The following DENND5B variants were observed in gnomAD, a reference collection of about 807,000 sequenced individuals.
The protein encoded by DENND5B is DENN domain-containing protein 5B.
DENND5B carries 34 observed loss-of-function variants against 140.6 expected under a neutral mutation model. The ratio of observed to expected loss-of-function variants is 0.24; its 90% CI spans 0.18 to 0.32. The LOEUF is 0.32. DENND5B is among the 10% of genes least tolerant of loss of function. The pLI is 1.00. For missense variants in DENND5B, 1,142 were observed against 1,560.2 expected, an observed-to-expected ratio of 0.73 and a Z score of 4.52; for synonymous variants, 551 against 562.1, an observed-to-expected ratio of 0.98 and a Z score of 0.28.
At chr12:31,457,542 A>G (rs879886845) in intron 4 of DENND5B, among the ~76,000 whole-genome samples, 7 of 152,174 alleles carry the variant, frequency 4.6e-5, no homozygotes, top group Non-Finnish European at 1.0e-4. Context: ...GAGTGCATTT[A>G]AGTCATTTTT....
Position 31,540,633 on chromosome 12 carries a change from G to A in DENND5B, c.128-44714C>T, listed in dbSNP as rs187338333. On this transcript the variant is annotated intron_variant, in intron 1 of 20. Coordinates refer to ENST00000389082, the MANE Select transcript of DENND5B (RefSeq NM_144973.4). Reference sequence around the variant, plus strand: ...TGTGCCACTGCACTCCAGCCTGGGCGACACAGTCAGACTCTGTCCCGCCCC... The same window carrying A: ...TGTGCCACTGCACTCCAGCCTGGGCAACACAGTCAGACTCTGTCCCGCCCC... 2.4e-4 allele frequency among the ~76,000 whole-genome samples: 37 copies of A among 151,346 alleles called. No homozygotes were observed. In the East Asian group the frequency reaches 5.8e-3, roughly 24 times the overall value.
chr12:31,547,976 G>A (rs1191023381), intron 1 of DENND5B, among the ~76,000 whole-genome samples: 2 of 152,168 alleles, frequency 1.3e-5, no homozygotes, highest in Non-Finnish European at 2.9e-5. Flanking sequence ...AAAGTGCTGG[G>A]ACTGAAGGTG....
At chr12:31,406,238 C>T (rs775891503) in intron 14 of DENND5B, among the ~76,000 whole-genome samples, 8 of 151,950 alleles carry the variant, frequency 5.3e-5, no homozygotes, top group Non-Finnish European at 1.0e-4. Context: ...AGAAGCCCTC[C>T]GTGAAAGATC....
chr12:31,545,950 C>CAAAAAAAAAAAAAAAAAAAAA lies in DENND5B; in HGVS notation c.127+44735_127+44755dup, dbSNP rs57460264. The stretch of plus-strand genomic sequence containing the variant: ...TGGGTGAGAGAGTAAGACACTGTCT[C>CAAAAAAAAAAAAAAAAAAAAA]AAAAAAAAAAAAAAAAAAAAAGTGG... On this transcript the variant is annotated intron_variant, in intron 1 of 20. Transcript: ENST00000389082. Among the ~76,000 whole-genome samples the CAAAAAAAAAAAAAAAAAAAAA allele has an allele frequency of 1.2e-3, 42 of 36,386 alleles. 2 individuals carry two copies. The highest frequency in any genetic ancestry group is 0.026 in the Middle Eastern group (1 of 38). The allele number at this position is 36,386 out of a possible 152,430, so 23.9% of individuals were successfully genotyped here.
At chr12:31,583,649 G>C (rs1032109595) in intron 1 of DENND5B, among the ~76,000 whole-genome samples, 1 of 152,004 alleles carries the variant, frequency 6.6e-6, no homozygotes, top group African/African-American at 2.4e-5. Flanking sequence ...CTGCACTCCA[G>C]CCCGGGCAAC....
chr12:31,443,018 A>AT (rs1944107878), intron 6 of DENND5B, 93 bp from the exon 7 acceptor site: 3 of 1,146,486 alleles, frequency 2.6e-6, no homozygotes, highest in Non-Finnish European at 3.7e-6. Context: ...AGAGAACCCA[A>AT]TCACTCTGAC....
intron 4 of DENND5B, among the ~76,000 whole-genome samples, chr12:31,457,751 T>C (rs997420625): frequency 2.8e-4 from 43 of 151,956 alleles, no homozygotes; most frequent in Admixed American, 2.0e-4. Context: ...TCTCGCTCTG[T>C]CGCCCAGGCT....
chr12:31,443,421 A>T (rs1318228810), intron 6 of DENND5B, among the ~76,000 whole-genome samples: 1 of 152,176 alleles, frequency 6.6e-6, no homozygotes. Context: ...GTATAATGTA[A>T]GTATAAAAAG....
intron 1 of DENND5B, among the ~76,000 whole-genome samples, chr12:31,563,133 G>A (rs1203145206): frequency 6.6e-6 from 1 of 151,982 alleles, no homozygotes; most frequent in Non-Finnish European, 1.5e-5. Context: ...CTGACCCTGG[G>A]GCCATGTTTT....
intron 11 of DENND5B, among the ~76,000 whole-genome samples, chr12:31,419,287 T>A (rs1379284456): frequency 6.6e-6 from 1 of 152,168 alleles, no homozygotes. Context: ...TCTGCCTGAA[T>A]CAAACTACAA....
At chr12:31,454,466 T>C (rs1347047990) in intron 4 of DENND5B, among the ~76,000 whole-genome samples, 1 of 152,090 alleles carries the variant, frequency 6.6e-6, no homozygotes, top group Admixed American at 6.6e-5. Context: ...TTTTTTGAGA[T>C]GTAGTCTTGC....
At position 31,495,078 on chromosome 12, in the gene DENND5B, C is replaced by CAA. The variant is rs371181548; in HGVS notation, c.237+731_237+732insTT. ...TAAATAACGCAATTAAGTTGCTTTT[C>CAA]ATCTTTACACTGTCTGTAAAAATGA... is the stretch of plus-strand genomic sequence containing the variant. On this transcript the variant is annotated intron_variant, in intron 2 of 20. Coordinates refer to ENST00000389082, the MANE Select transcript of DENND5B (RefSeq NM_144973.4). 7.9e-3 allele frequency among the ~76,000 whole-genome samples: 1,204 copies of CAA among 152,250 alleles called. 14 individuals carry two copies. Among genetic ancestry groups the CAA allele is most frequent in the African/African-American group, 0.028 (1,151 of 41,540 alleles).
intron 8 of DENND5B, 56 bp downstream of exon 8, chr12:31,433,099 A>G (rs1319424976): frequency 1.4e-6 from 2 of 1,413,064 alleles, no homozygotes; most frequent in Non-Finnish European, 1.0e-6. Flanking sequence ...GCTGGAAGGA[A>G]TAAGCCTAGT....
intron 8 of DENND5B, among the ~76,000 whole-genome samples, chr12:31,430,497 C>CAAAAAAAAAAAAA (rs71062432): frequency 3.6e-5 from 2 of 56,070 alleles, no homozygotes; most frequent in African/African-American, 7.5e-5. Context: ...ACTAAAAATA[C>CAAAAAAAAAAAAA]AAAAAAAAAA....
chr12:31,553,619 G>C (rs1471491712), intron 1 of DENND5B, among the ~76,000 whole-genome samples: 1 of 151,892 alleles, frequency 6.6e-6, no homozygotes, highest in East Asian at 1.9e-4. Context: ...GGGTATCCTT[G>C]TTAACTTTCT....
intron 2 of DENND5B, among the ~76,000 whole-genome samples, chr12:31,492,001 G>A (rs1946543264): frequency 1.3e-5 from 2 of 152,104 alleles, no homozygotes; most frequent in South Asian, 4.1e-4. Context: ...TCATACAAAC[G>A]CACTTACTAG....
chr12:31,589,633 A>G (rs1208443231), intron 1 of DENND5B, among the ~76,000 whole-genome samples: 1 of 150,928 alleles, frequency 6.6e-6, no homozygotes, highest in East Asian at 1.9e-4. Flanking sequence ...AATTTACGTT[A>G]GTGCAATCAA....
At chr12:31,393,951 A>G (rs1288077102) in intron 17 of DENND5B, among the ~76,000 whole-genome samples, 52 of 152,090 alleles carry the variant, frequency 3.4e-4, no homozygotes, top group Non-Finnish European at 8.8e-5. Flanking sequence ...CAGCCTCCCA[A>G]AGTGCTGGGA....
intron 1 of DENND5B, among the ~76,000 whole-genome samples, chr12:31,536,772 T>C (rs1948509665): frequency 6.6e-6 from 1 of 152,108 alleles, no homozygotes; most frequent in Non-Finnish European, 1.5e-5. Context: ...GAAAGCTATC[T>C]CAAGCCATTT....
Sources: gnomAD v4.1 joint callset for allele counts (sites outside exome capture counted in the v4.1 genomes callset) on GRCh38, gnomAD v4.1.1 for gene constraint, MANE v1.5 for transcripts, NCBI Gene and HGNC (gene_info 2026-07-23, HGNC 2026-07-21) for gene names.